ERC2: variants seen among roughly 807,000 people sequenced by gnomAD.
The protein encoded by ERC2 is ELKS/RAB6-interacting/CAST family member 2, also known as ERC protein 2.
ERC2 carries 42 observed loss-of-function variants against 114.8 expected under a neutral mutation model. The ratio of observed to expected loss-of-function variants is 0.37; its 90% confidence interval spans 0.29 to 0.47. The LOEUF (loss-of-function observed/expected upper bound fraction) is 0.47, where lower values mean the gene tolerates loss of function less well. Ranked by LOEUF, ERC2 falls within the 20% of genes least tolerant of loss-of-function variation. The probability of loss-of-function intolerance (pLI) is 0.99; values close to 1 mark genes in which losing one functional copy is unlikely to be tolerated. For missense variants in ERC2, 939 were observed against 1,150.7 expected (o/e 0.82, Z 2.66); for synonymous variants, 454 against 425.5 (o/e 1.07, Z -0.82).
intron 6 of ERC2, among the ~76,000 whole-genome samples, chr3:56,101,533 G>A (rs2078357055): frequency 6.6e-6 from 1 of 152,116 alleles, no homozygotes; most frequent in Non-Finnish European, 1.5e-5. Flanking sequence ...CCAGTTTTTA[G>A]AGAAGGGAAG....
chr3:55,799,481 T>C (rs1448363890), intron 14 of ERC2, among the ~76,000 whole-genome samples: 1 of 142,102 alleles, frequency 7.0e-6, no homozygotes, highest in Non-Finnish European at 1.5e-5. Context: ...ATATGCCTTA[T>C]CTATCACACG....
Position 55,950,470 on chromosome 3 carries a change from C to G in ERC2, c.2358G>C (p.Val786=). ...KKKNAQLLEE[V]RRREDSMADN... ...CAGCCATGCTGTCTTCTCGCCTGCG[C>G]ACTTCTTCTAGTAACTGAGCATTTT... The change falls in exon 13 of 18, where the codon GTG becomes GTC. Residue 786 remains valine, a synonymous_variant. Coordinates refer to ENST00000288221, the MANE Select transcript of ERC2 (RefSeq NM_015576.3). 6.2e-7 allele frequency: 1 copy of G among 1,614,058 alleles called. No individual in the cohort carries two copies. Among genetic ancestry groups the G allele is most frequent in the Non-Finnish European group, 8.5e-7 (1 of 1,179,904 alleles).
At chr3:55,973,998 G>A (rs1477976930) in intron 12 of ERC2, among the ~76,000 whole-genome samples, 2 of 152,058 alleles carry the variant, frequency 1.3e-5, no homozygotes, top group African/African-American at 2.4e-5. Context: ...GATGAGAAGA[G>A]AAACCAAACA....
intron 2 of ERC2, among the ~76,000 whole-genome samples, chr3:56,410,549 A>G (rs1030784090): frequency 6.6e-6 from 1 of 152,242 alleles, no homozygotes; most frequent in African/African-American, 2.4e-5. Context: ...GTGGAAACAG[A>G]AACTCGAAAA....
intron 6 of ERC2, among the ~76,000 whole-genome samples, chr3:56,096,501 T>C (rs1192085486): frequency 1.3e-5 from 2 of 152,090 alleles, no homozygotes; most frequent in East Asian, 1.9e-4. Context: ...GGAGAGAATG[T>C]GGTATGAAGC....
chr3:55,730,928 G>A (rs76287589), intron 15 of ERC2, among the ~76,000 whole-genome samples: 3,267 of 152,284 alleles, frequency 0.021, 85 homozygotes, highest in African/African-American at 0.059. Context: ...GACTGAGCAG[G>A]CCAGAAGGGT....
intron 3 of ERC2, among the ~76,000 whole-genome samples, chr3:56,286,038 G>T (rs1191510790): frequency 1.3e-5 from 2 of 152,172 alleles, no homozygotes; most frequent in African/African-American, 4.8e-5. Flanking sequence ...ACTCCTAAAA[G>T]AGGTGCAGAC....
At chr3:55,673,861 T>C (rs2061669786) in intron 17 of ERC2, among the ~76,000 whole-genome samples, 1 of 136,974 alleles carries the variant, frequency 7.3e-6, no homozygotes, top group Non-Finnish European at 1.5e-5. Context: ...TCCTTTCAAA[T>C]AACACAGTGA....
chr3:56,109,066 A>G (rs780105461), intron 6 of ERC2, among the ~76,000 whole-genome samples: 12 of 152,164 alleles, frequency 7.9e-5, no homozygotes, highest in Non-Finnish European at 1.3e-4. Context: ...GGTTTGTTAT[A>G]TAAGTAAACT....
At chr3:55,547,007 T>C (rs1316681088) in intron 17 of ERC2, among the ~76,000 whole-genome samples, 1 of 152,284 alleles carries the variant, frequency 6.6e-6, no homozygotes, top group Non-Finnish European at 1.5e-5. Flanking sequence ...GCCCTGGGAC[T>C]TTGAGACAAC....
intron 7 of ERC2, among the ~76,000 whole-genome samples, chr3:56,034,199 C>A (rs1357169063): frequency 6.6e-6 from 1 of 152,056 alleles, no homozygotes; most frequent in East Asian, 1.9e-4. Context: ...AGACAAAAGA[C>A]ACTTTAAGTC....
At chr3:55,932,211 G>C (rs986932291) in intron 13 of ERC2, among the ~76,000 whole-genome samples, 1 of 151,964 alleles carries the variant, frequency 6.6e-6, no homozygotes, top group Non-Finnish European at 1.5e-5. Context: ...GATAACCTAG[G>C]GTCTAAAAGG....
At chr3:55,989,773 T>C (rs1030492293) in intron 11 of ERC2, among the ~76,000 whole-genome samples, 8 of 152,188 alleles carry the variant, frequency 5.3e-5, no homozygotes, top group Non-Finnish European at 1.0e-4. Context: ...AGGTACACAG[T>C]ATTGCACGTC....
chr3:55,658,504 T>A (rs2060976424), intron 17 of ERC2: 1 of 152,274 alleles, frequency 6.6e-6, no homozygotes, highest in African/African-American at 2.4e-5. Context: ...ATTGACATAG[T>A]GCTGGGTGAA....
At chr3:55,545,775 C>A (rs2054701110) in intron 17 of ERC2, among the ~76,000 whole-genome samples, 1 of 152,098 alleles carries the variant, frequency 6.6e-6, no homozygotes, top group Non-Finnish European at 1.5e-5. Flanking sequence ...CAGGGGGTAC[C>A]CACTGGGCCG....
intron 17 of ERC2, among the ~76,000 whole-genome samples, chr3:55,590,200 A>T (rs1007715529): frequency 6.6e-6 from 1 of 152,224 alleles, no homozygotes; most frequent in Non-Finnish European, 1.5e-5. Context: ...AAAAAGCGTG[A>T]GATCGTGCCC....
At chr3:55,923,550 T>A (rs1441942363) in intron 13 of ERC2, among the ~76,000 whole-genome samples, 1 of 152,162 alleles carries the variant, frequency 6.6e-6, no homozygotes. Flanking sequence ...GTTCAGAAGA[T>A]ATAATAGCAA....
chr3:55,897,005 C>T (rs2063872588), intron 13 of ERC2, among the ~76,000 whole-genome samples: 1 of 152,196 alleles, frequency 6.6e-6, no homozygotes, highest in Non-Finnish European at 1.5e-5. Flanking sequence ...ATAATGAAGT[C>T]ATCACCTGGC....
chr3:55,754,000 A>T (rs1024165511), intron 14 of ERC2, among the ~76,000 whole-genome samples: 1 of 152,324 alleles, frequency 6.6e-6, no homozygotes, highest in Non-Finnish European at 1.5e-5. Context: ...GAGGTATTAT[A>T]TAAGATAAAT....
Sources: gnomAD v4.1 joint callset for allele counts (sites outside exome capture counted in the v4.1 genomes callset) on GRCh38, gnomAD v4.1.1 for gene constraint, MANE v1.5 for transcripts, NCBI Gene and HGNC (gene_info 2026-07-23, HGNC 2026-07-21) for gene names.